The following UBE3D variants were observed in gnomAD, a reference collection of about 807,000 sequenced individuals.
UBE3D encodes E3 ubiquitin-protein ligase E3D.
UBE3D carries 48 observed loss-of-function variants against 49.6 expected under a neutral mutation model. That is an observed-to-expected ratio of 0.97 (90% CI 0.77 to 1.23). The LOEUF (loss-of-function observed/expected upper bound fraction) is 1.23. Ranked by LOEUF, UBE3D falls within the 50% of genes most tolerant of loss-of-function variation. The pLI, the probability that UBE3D is intolerant of heterozygous loss-of-function variation, is 0.00. For synonymous variants in UBE3D, 189 were observed against 174.2 expected (o/e 1.08, Z -0.67); for missense variants, 452 against 468.4 (o/e 0.96, Z 0.32).
chr6:83,062,432 T>C (rs889997906), intron 1 of UBE3D, among the ~76,000 whole-genome samples: 1 of 152,172 alleles, frequency 6.6e-6, no homozygotes, highest in Non-Finnish European at 1.5e-5. Context: ...CATTAATCTA[T>C]TCAAGAAGAA....
chr6:83,002,910 T>C (rs1052661856), intron 8 of UBE3D, among the ~76,000 whole-genome samples: 3 of 152,224 alleles, frequency 2.0e-5, no homozygotes, highest in Non-Finnish European at 4.4e-5. Context: ...TATTTTGTTA[T>C]AGCGGCACAA....
intron 9 of UBE3D, among the ~76,000 whole-genome samples, chr6:82,910,212 G>A (rs943277909): frequency 9.9e-5 from 15 of 152,094 alleles, no homozygotes; most frequent in African/African-American, 2.2e-4. Context: ...AAACCCTTGC[G>A]TATCCACTCC....
At chr6:82,943,222 G>A (rs529507468) in intron 9 of UBE3D, among the ~76,000 whole-genome samples, 65 of 152,318 alleles carry the variant, frequency 4.3e-4, no homozygotes, top group African/African-American at 1.5e-3. Context: ...CCTAATGCCT[G>A]TAACCCCACT....
chr6:83,016,084 C>T (rs1780677416), intron 8 of UBE3D, among the ~76,000 whole-genome samples: 1 of 152,178 alleles, frequency 6.6e-6, no homozygotes, highest in Admixed American at 6.5e-5. Context: ...CAGCCACTCA[C>T]ATGATAAAAG....
chr6:82,985,008 C>CCTTTTTTTTT (rs1442501883), intron 8 of UBE3D, among the ~76,000 whole-genome samples: 2 of 52,996 alleles, frequency 3.8e-5, no homozygotes, highest in African/African-American at 7.3e-5. Flanking sequence ...TCTTCTTCTT[C>CCTTTTTTTTT]TTTTTTTTTT....
At chr6:82,942,238 A>G (rs1775068915) in intron 9 of UBE3D, among the ~76,000 whole-genome samples, 1 of 152,190 alleles carries the variant, frequency 6.6e-6, no homozygotes, top group Non-Finnish European at 1.5e-5. Context: ...AAGAGACTGG[A>G]GGCATTTTGC....
At chr6:83,043,417 G>A (rs1782809328) in intron 4 of UBE3D, among the ~76,000 whole-genome samples, 1 of 151,968 alleles carries the variant, frequency 6.6e-6, no homozygotes, top group Admixed American at 6.6e-5. Context: ...AATATAAAAT[G>A]TAAAGTACTA....
At chr6:82,931,849 C>T (rs1364779000) in intron 9 of UBE3D, among the ~76,000 whole-genome samples, 2 of 152,018 alleles carry the variant, frequency 1.3e-5, no homozygotes, top group East Asian at 3.9e-4. Context: ...CTGGGAGGGG[C>T]CGGGGTGAAA....
Position 82,957,405 on chromosome 6 carries a change from G to A in UBE3D, c.1056C>T (p.Thr352=). ...GCTCCAAGCAGGTTGCAGAGGGCAGGGTTAGCGGGTGGACGCTGATGTCAC... is the reference window on the plus strand; with the variant it reads ...GCTCCAAGCAGGTTGCAGAGGGCAGAGTTAGCGGGTGGACGCTGATGTCAC... The part of the protein sequence containing the change: ...WESDISVHPL[T]LPSATCLELL... Residue 352 remains threonine (T), a synonymous_variant, in exon 9 of 10, where the codon ACC becomes ACT. Transcript: ENST00000369747. 6.2e-7 allele frequency: 1 copy of A among 1,614,042 alleles called. No individual in the cohort carries two copies. Among genetic ancestry groups the A allele is most frequent in the South Asian group, 1.1e-5 (1 of 91,074 alleles).
chr6:83,057,061 A>C (rs1018202638), intron 2 of UBE3D, among the ~76,000 whole-genome samples: 4 of 152,214 alleles, frequency 2.6e-5, no homozygotes, highest in African/African-American at 9.7e-5. Context: ...ACCAGTTACA[A>C]AATGTTGTAA....
intron 5 of UBE3D, among the ~76,000 whole-genome samples, chr6:83,030,557 G>A (rs1781793179): frequency 1.3e-5 from 2 of 152,184 alleles, no homozygotes; most frequent in African/African-American, 4.8e-5. Context: ...CCAGTCTCAG[G>A]TGTGTCTTTA....
chr6:83,024,812 T>C (rs916246121), intron 5 of UBE3D, among the ~76,000 whole-genome samples: 1 of 152,142 alleles, frequency 6.6e-6, no homozygotes, highest in Non-Finnish European at 1.5e-5. Flanking sequence ...CATGGTTCCC[T>C]TTGTGGAAGC....
At chr6:82,923,613 T>G (rs1367106902) in intron 9 of UBE3D, among the ~76,000 whole-genome samples, 1 of 152,168 alleles carries the variant, frequency 6.6e-6, no homozygotes, top group Non-Finnish European at 1.5e-5. Flanking sequence ...ATACCTAATG[T>G]AGGTGACGGG....
At chr6:83,064,809 C>T (rs1021109759) in intron 1 of UBE3D, among the ~76,000 whole-genome samples, 2 of 152,174 alleles carry the variant, frequency 1.3e-5, no homozygotes, top group Non-Finnish European at 2.9e-5. Flanking sequence ...ACTCAGTTCT[C>T]ACGCCATATT....
At chr6:83,008,387 A>G (rs1780123554) in intron 8 of UBE3D, among the ~76,000 whole-genome samples, 1 of 152,246 alleles carries the variant, frequency 6.6e-6, no homozygotes, top group Non-Finnish European at 1.5e-5. Context: ...GCTGATAAAC[A>G]AACTAAAAAA....
At chr6:82,979,925 C>A (rs1346776673) in intron 8 of UBE3D, among the ~76,000 whole-genome samples, 1 of 152,104 alleles carries the variant, frequency 6.6e-6, no homozygotes, top group Non-Finnish European at 1.5e-5. Context: ...GACATGATTT[C>A]ATTCTTTTTC....
intron 8 of UBE3D, among the ~76,000 whole-genome samples, chr6:83,015,040 C>T (rs976829348): frequency 6.6e-6 from 1 of 152,180 alleles, no homozygotes; most frequent in Non-Finnish European, 1.5e-5. Flanking sequence ...AGTATGCCCA[C>T]CTTGCCTTTG....
At chr6:83,029,595 C>T (rs1033716358) in intron 5 of UBE3D, among the ~76,000 whole-genome samples, 1 of 152,130 alleles carries the variant, frequency 6.6e-6, no homozygotes, top group African/African-American at 2.4e-5. Context: ...CTTATTAAGA[C>T]CTTTTTTTCT....
chr6:82,883,169 C>T, the UBE3D span, among the ~76,000 whole-genome samples: 87 of 151,928 alleles, frequency 5.7e-4, no homozygotes, highest in Non-Finnish European at 1.1e-3. Context: ...AAGACTTCAT[C>T]GTTTTATTTT....
Sources: gnomAD v4.1 joint callset for allele counts (sites outside exome capture counted in the v4.1 genomes callset) on GRCh38, gnomAD v4.1.1 for gene constraint, MANE v1.5 for transcripts, NCBI Gene and HGNC (gene_info 2026-07-23, HGNC 2026-07-21) for gene names.